LRRFIP2: variants seen among roughly 807,000 people sequenced by gnomAD.
LRRFIP2 encodes leucine-rich repeat flightless-interacting protein 2.
In LRRFIP2, 109 loss-of-function variants were observed where a neutral mutation model predicts 125.9. That is an observed-to-expected ratio of 0.87 (90% CI 0.74 to 1.01). The LOEUF (loss-of-function observed/expected upper bound fraction) is 1.01, where lower values mean the gene tolerates loss of function less well. LRRFIP2 is among the 50% of genes least tolerant of loss of function. The probability of loss-of-function intolerance (pLI) is 0.00; values close to 1 mark genes in which losing one functional copy is unlikely to be tolerated. For synonymous variants in LRRFIP2, 291 were observed against 293.1 expected, an observed-to-expected ratio of 0.99 and a Z score of 0.07; for missense variants, 850 against 862.3, an observed-to-expected ratio of 0.99 and a Z score of 0.18.
chr3:37,074,969 C>T (rs1402956552), intron 20 of LRRFIP2, 55 bp downstream of exon 20: 5 of 1,157,662 alleles, frequency 4.3e-6, no homozygotes, highest in African/African-American at 1.5e-5. Context: ...ACATCCTCAT[C>T]CCATTCAACT....
At chr3:37,171,792 A>G (rs1256975128) in intron 1 of LRRFIP2, among the ~76,000 whole-genome samples, 1 of 152,218 alleles carries the variant, frequency 6.6e-6, no homozygotes, top group Non-Finnish European at 1.5e-5. Context: ...GCAAGAATTT[A>G]AACTATACAC....
At chr3:37,119,687 G>GT (rs2094940627) in intron 6 of LRRFIP2, among the ~76,000 whole-genome samples, 1 of 152,174 alleles carries the variant, frequency 6.6e-6, no homozygotes, top group Admixed American at 6.5e-5. Flanking sequence ...TTGAGACAGA[G>GT]TATCACTCTG....
chr3:37,121,567 GT>G, intron 5 of LRRFIP2, 31 bp from the exon 6 acceptor site: 1 of 1,613,150 alleles, frequency 6.2e-7, no homozygotes, highest in South Asian at 1.1e-5. Context: ...CACAGTAAAA[GT>G]TTGTGAGTGA....
At chr3:37,118,412 T>G (rs1576906317) in intron 6 of LRRFIP2, among the ~76,000 whole-genome samples, 1 of 152,182 alleles carries the variant, frequency 6.6e-6, no homozygotes, top group African/African-American at 2.4e-5. Flanking sequence ...TGTCTTCTTG[T>G]ATTTCAATGT....
At chr3:37,105,304 T>A in intron 14 of LRRFIP2, 151 bp downstream of exon 14, 1 of 655,706 alleles carries the variant, frequency 1.5e-6, no homozygotes, top group Non-Finnish European at 2.7e-6. Flanking sequence ...GTTCTCAACA[T>A]GTTTTATAAG....
In LRRFIP2 at chr3:37,094,866, C is replaced by T. The variant is rs781704596; in HGVS notation, c.961G>A (p.Gly321Arg). 1.2e-6 allele frequency: 2 copies of T among 1,613,770 alleles called. No individual in the cohort carries two copies. The highest frequency in any genetic ancestry group is 4.5e-5 in the East Asian group (2 of 44,878). Residue 321 changes from glycine (G) to arginine (R), a missense_variant, in exon 17 of 28, where the codon GGA (glycine) becomes AGA (arginine). Gly to Arg is a moderately radical substitution (Grantham distance 125, BLOSUM62 -2). Transcript: ENST00000336686. ...NSASATTPLS[G>R]NSSRRGSGDT... ...CCACTTCCTCGTCTGGATGAGTTTC[C>T]ACTTAGAGGGGTTGTTGCTGAGGCA...
At position 37,065,766 on chromosome 3, in the gene LRRFIP2, T is replaced by C. The variant is rs764662116; in HGVS notation, c.1699+44A>G. On this transcript the variant is annotated intron_variant, in intron 23 of 27. Transcript: ENST00000336686. ...GGATATGAAAAAGCAGAAAACCCAATAGGGTAACATTAATCCAAGTCAACA... is the reference window on the plus strand; with the variant it reads ...GGATATGAAAAAGCAGAAAACCCAACAGGGTAACATTAATCCAAGTCAACA... The C allele has an allele frequency of 5.0e-6, 8 of 1,613,692 alleles. No individual in the cohort carries two copies. In the East Asian group the frequency reaches 1.1e-4, roughly 22 times the overall value.
At chr3:37,158,605 CA>C (rs11423668) in intron 1 of LRRFIP2, among the ~76,000 whole-genome samples, 2,492 of 126,792 alleles carry the variant, frequency 0.02, 64 homozygotes, top group African/African-American at 0.061. Flanking sequence ...AGACTCCTCT[CA>C]AAAAAAAAAA....
chr3:37,062,522 A>G (rs757597623), intron 24 of LRRFIP2, among the ~76,000 whole-genome samples: 2 of 152,232 alleles, frequency 1.3e-5, no homozygotes, highest in Non-Finnish European at 2.9e-5. Context: ...TCACATGACT[A>G]TCTTCAAATT....
rs896715664 is a variant in LRRFIP2, at chr3:37,166,795, G to A, written c.-56+7744C>T. 2.6e-5 allele frequency among the ~76,000 whole-genome samples: 4 copies of A among 151,968 alleles called. No homozygotes were observed. In the East Asian group the frequency reaches 7.7e-4, roughly 29 times the overall value. ...GCACTTTGGGAGGCTGAGGTGGGCG[G>A]ATCACCTGAGGTTGGGAGTTCGAGA... On this transcript the variant is annotated intron_variant, in intron 1 of 27. Transcript: ENST00000336686.
chr3:37,156,843 G>C (rs1444495329), intron 1 of LRRFIP2, among the ~76,000 whole-genome samples: 2 of 151,742 alleles, frequency 1.3e-5, no homozygotes, highest in African/African-American at 4.8e-5. Flanking sequence ...TAAAAATAAA[G>C]ATTATGCGGG....
chr3:37,141,653 A>C lies in LRRFIP2; in HGVS notation c.90+7241T>G, dbSNP rs953375037. On this transcript the variant is annotated intron_variant, in intron 2 of 27. Transcript: ENST00000336686. ...CCTCCAATGTGTGTTAATCTGGCCA[A>C]GTATGGCATATGCTGTTGCTGAATC... Among the ~76,000 whole-genome samples the C allele has an allele frequency of 6.8e-4, 103 of 152,336 alleles. 1 individual carries two copies. The highest frequency in any genetic ancestry group is 1.9e-4 in the East Asian group (1 of 5,190).
chr3:37,142,096 A>C (rs2095716907), intron 2 of LRRFIP2, among the ~76,000 whole-genome samples: 1 of 151,478 alleles, frequency 6.6e-6, no homozygotes, highest in African/African-American at 2.4e-5. Context: ...AATGCCTTTC[A>C]TAGTTTCTTT....
At chr3:37,170,431 A>G (rs2096569489) in intron 1 of LRRFIP2, 2 of 152,232 alleles carry the variant, frequency 1.3e-5, no homozygotes, top group African/African-American at 4.8e-5. Context: ...TTCATAAGAC[A>G]CCACATAGTA....
intron 1 of LRRFIP2, among the ~76,000 whole-genome samples, chr3:37,154,104 A>T (rs1467890637): frequency 4.6e-5 from 7 of 152,012 alleles, no homozygotes; most frequent in Admixed American, 1.3e-4. Context: ...GAGCCAAGGG[A>T]GGTCAAGGTT....
chr3:37,059,484 A>T (rs1359623786), intron 24 of LRRFIP2, among the ~76,000 whole-genome samples: 1 of 152,166 alleles, frequency 6.6e-6, no homozygotes, highest in African/African-American at 2.4e-5. Flanking sequence ...CTTAGAAAAC[A>T]TCCTGTATGT....
rs368039014 is a variant in LRRFIP2, at chr3:37,121,328, T to C, written c.330+164A>G. 5.3e-4 allele frequency: 341 copies of C among 642,496 alleles called. 5 individuals carry two copies. In the South Asian group the frequency reaches 6.7e-3, roughly 13 times the overall value. The allele number at this position is 642,496 out of a possible 1,614,324, so 39.8% of individuals were successfully genotyped here. A position where few individuals can be genotyped will look rare whatever the true frequency, so the allele number is the denominator to read the frequency against. ...AGAGTTGATTTACTTATGACAATAA[T>C]TTGAAAGAAAGCATCATTTTCCAAT... On this transcript the variant is annotated intron_variant, in intron 6 of 27. Transcript: ENST00000336686.
Position 37,134,990 on chromosome 3 carries a change from T to C in LRRFIP2, c.91-5841A>G, listed in dbSNP as rs1347228094. ...TCTTTTATCCATTTGTTCACTGCTA[T>C]GTGATCCAAACCCAGATGACCCCCT... On this transcript the variant is annotated intron_variant, in intron 2 of 27. Transcript: ENST00000336686. The C allele has an allele frequency of 4.6e-6, 7 of 1,517,154 alleles. No homozygotes were observed. In the African/African-American group the frequency reaches 9.6e-5, roughly 21 times the overall value. 94.0% of individuals were successfully genotyped at this position (1,517,154 alleles called of 1,614,324 possible).
intron 2 of LRRFIP2, among the ~76,000 whole-genome samples, chr3:37,139,969 T>C (rs774513916): frequency 4.6e-5 from 7 of 152,214 alleles, no homozygotes; most frequent in African/African-American, 7.2e-5. Flanking sequence ...ACTAATGACC[T>C]CTAACTACCA....
Sources: allele counts gnomAD v4.1 joint callset (sites outside exome capture counted in the v4.1 genomes callset), GRCh38; gene constraint gnomAD v4.1.1; transcripts MANE v1.5; gene names NCBI Gene and HGNC (gene_info 2026-07-23, HGNC 2026-07-21).